GAS7: variants seen among roughly 807,000 people sequenced by gnomAD.
GAS7 encodes the protein growth arrest specific 7.
A neutral mutation model predicts 71.1 loss-of-function variants in GAS7; 28 were observed. The ratio of observed to expected loss-of-function variants is 0.39; its 90% CI spans 0.29 to 0.54. The LOEUF (loss-of-function observed/expected upper bound fraction) is 0.54. GAS7 is among the 20% of genes least tolerant of loss of function. The probability of loss-of-function intolerance (pLI) is 0.62; values close to 1 mark genes in which losing one functional copy is unlikely to be tolerated. For synonymous variants in GAS7, 258 were observed against 245.8 expected (o/e 1.05, Z -0.46); for missense variants, 436 against 627.8 (o/e 0.69, Z 3.27).
intron 1 of GAS7, among the ~76,000 whole-genome samples, chr17:10,180,404 G>GTA (rs1221937981): frequency 6.6e-6 from 1 of 150,488 alleles, no homozygotes; most frequent in African/African-American, 2.5e-5. Context: ...GTCTCATACA[G>GTA]CCAGCATGCA....
At chr17:10,004,517 A>T (rs1027415524) in intron 2 of GAS7, among the ~76,000 whole-genome samples, 2 of 152,100 alleles carry the variant, frequency 1.3e-5, no homozygotes, top group Non-Finnish European at 2.9e-5. Context: ...GCTCCACACA[A>T]GCCCCAGAAT....
Position 9,913,963 on chromosome 17 carries a change from C to A in GAS7, c.*3265G>T, listed in dbSNP as rs73974333. Reference sequence around the variant, plus strand: ...GACATTCTCAAGAATAGCCCAGACCCGCCCACTTTGAATAAACCCAGCTAA... The same window carrying A: ...GACATTCTCAAGAATAGCCCAGACCAGCCCACTTTGAATAAACCCAGCTAA... On this transcript the variant is annotated 3_prime_UTR_variant, in exon 14 of 14. Transcript: ENST00000432992. 1 of 231,930 alleles carries A rather than the reference C, an allele frequency of 4.3e-6. No homozygotes were observed. The highest frequency in any genetic ancestry group is 2.2e-5 in the African/African-American group (1 of 45,206). 14.4% of individuals were successfully genotyped at this position (231,930 alleles called of 1,614,324 possible). A position where few individuals can be genotyped will look rare whatever the true frequency, so the allele number is the denominator to read the frequency against.
At chr17:10,083,804 GCAAAGA>G (rs2073484371) in intron 1 of GAS7, among the ~76,000 whole-genome samples, 1 of 152,176 alleles carries the variant, frequency 6.6e-6, no homozygotes, top group African/African-American at 2.4e-5. Flanking sequence ...AAAGGTTAAA[GCAAAGA>G]CACCACGCAG....
chr17:10,178,628 A>C (rs1228707180), intron 1 of GAS7, among the ~76,000 whole-genome samples: 1 of 148,190 alleles, frequency 6.7e-6, no homozygotes, highest in Non-Finnish European at 1.5e-5. Context: ...ATGCATTAGT[A>C]ATCTGGCTAG....
At chr17:9,951,348 T>G (rs2068997247) in intron 5 of GAS7, among the ~76,000 whole-genome samples, 1 of 152,266 alleles carries the variant, frequency 6.6e-6, no homozygotes, top group South Asian at 2.1e-4. Flanking sequence ...GAGGCGGGTC[T>G]GAATGCTTCT....
chr17:10,178,359 C>T (rs1342807098), intron 1 of GAS7, among the ~76,000 whole-genome samples: 1 of 152,182 alleles, frequency 6.6e-6, no homozygotes, highest in East Asian at 1.9e-4. Context: ...TCGCCGCCCC[C>T]ACCCCCACAC....
chr17:10,177,624 T>G (rs1422480157), intron 1 of GAS7, among the ~76,000 whole-genome samples: 1 of 151,974 alleles, frequency 6.6e-6, no homozygotes, highest in Non-Finnish European at 1.5e-5. Context: ...TGACTGCTGC[T>G]CTTCTCCCCA....
Position 10,103,075 on chromosome 17 carries a change from G to A in GAS7, c.184-83178C>T, listed in dbSNP as rs1231832339. ...TCTGCATTTTAACAAACCCTGACCG[G>A]ACGTAGTGGCTCACACCTGTAATCC... On this transcript the variant is annotated intron_variant, in intron 1 of 13. Transcript: ENST00000432992. The surrounding 1 kb of genome is among the most constrained non-coding windows in gnomAD (Gnocchi z 5.5). Among the ~76,000 whole-genome samples, 1 of 152,162 alleles carries A rather than the reference G, an allele frequency of 6.6e-6. No individual in the cohort carries two copies. The highest frequency in any genetic ancestry group is 1.9e-4 in the East Asian group (1 of 5,192).
At chr17:10,033,335 G>C (rs932888560) in intron 1 of GAS7, among the ~76,000 whole-genome samples, 2 of 152,136 alleles carry the variant, frequency 1.3e-5, no homozygotes, top group Non-Finnish European at 2.9e-5. Flanking sequence ...GGCCCAGAGA[G>C]AGAGAGAGAC....
chr17:9,935,542 GC>G (rs2068370504), intron 8 of GAS7, among the ~76,000 whole-genome samples: 1 of 152,182 alleles, frequency 6.6e-6, no homozygotes, highest in Admixed American at 6.5e-5. Flanking sequence ...AAGTCGAGTG[GC>G]AAAAGCTGAA....
At chr17:9,935,132 ATGG>A (rs745553342) in intron 8 of GAS7, among the ~76,000 whole-genome samples, 11 of 152,204 alleles carry the variant, frequency 7.2e-5, no homozygotes, top group Non-Finnish European at 1.5e-4. Context: ...AGTGGGGAAG[ATGG>A]ACTGTGTGGG....
intron 1 of GAS7, among the ~76,000 whole-genome samples, chr17:10,132,678 G>A (rs1263282392): frequency 6.6e-6 from 1 of 152,096 alleles, no homozygotes. Context: ...TGAGGCACGA[G>A]AGTCGCTTGA....
chr17:10,023,236 C>T (rs1283252667), intron 1 of GAS7, among the ~76,000 whole-genome samples: 1 of 152,226 alleles, frequency 6.6e-6, no homozygotes, highest in Non-Finnish European at 1.5e-5. Context: ...CACTCTGCCT[C>T]CATCTCCCGA....
chr17:10,158,003 GTTATT>G (rs1324973690), intron 1 of GAS7, among the ~76,000 whole-genome samples: 4 of 152,042 alleles, frequency 2.6e-5, no homozygotes, highest in Non-Finnish European at 5.9e-5. Flanking sequence ...ACAAAATCCT[GTTATT>G]TTATTTTATT....
At position 10,120,636 on chromosome 17, in the gene GAS7, T is replaced by A. The variant is rs2073896872; in HGVS notation, c.183+77572A>T. 2.0e-5 allele frequency among the ~76,000 whole-genome samples: 3 copies of A among 151,992 alleles called. No individual in the cohort carries two copies. In the South Asian group the frequency reaches 6.2e-4, roughly 32 times the overall value. ...CTGAGGCAGTAGAATCGCTTGAACC[T>A]GGGAGGCGGAGGTTGCAGTGAGCCA... On this transcript the variant is annotated intron_variant, in intron 1 of 13. Coordinates refer to ENST00000432992, the MANE Select transcript of GAS7 (RefSeq NM_201433.2).
intron 1 of GAS7, among the ~76,000 whole-genome samples, chr17:10,056,196 C>T (rs889798298): frequency 6.6e-6 from 1 of 151,952 alleles, no homozygotes; most frequent in Admixed American, 6.6e-5. Flanking sequence ...CCCATCTCTA[C>T]AAAAAATGTA....
At chr17:10,089,808 A>G (rs2073561598) in intron 1 of GAS7, among the ~76,000 whole-genome samples, 1 of 152,218 alleles carries the variant, frequency 6.6e-6, no homozygotes, top group South Asian at 2.1e-4. Context: ...TCGAGAAACA[A>G]CATACAATTG....
At chr17:9,966,469 T>G (rs1300363472) in intron 4 of GAS7, among the ~76,000 whole-genome samples, 3 of 152,156 alleles carry the variant, frequency 2.0e-5, no homozygotes, top group Non-Finnish European at 4.4e-5. Context: ...GCATCTCAAG[T>G]GTTCCTTTGC....
At chr17:10,016,602 C>CAAAAAAAAAAAAAAAAA (rs1158379710) in intron 2 of GAS7, among the ~76,000 whole-genome samples, 49 of 84,720 alleles carry the variant, frequency 5.8e-4, no homozygotes, top group African/African-American at 1.5e-3. Context: ...CTGTCTCTAC[C>CAAAAAAAAAAAAAAAAA]AAAAAAAAAA....
Sources: gnomAD v4.1 joint callset for allele counts (sites outside exome capture counted in the v4.1 genomes callset) on GRCh38, gnomAD v4.1.1 for gene constraint, Gnocchi (gnomAD v3.1) non-coding constraint, MANE v1.5 for transcripts, NCBI Gene and HGNC (gene_info 2026-07-23, HGNC 2026-07-21) for gene names.